Variants in P2RY12 observed in about 807,000 individuals in gnomAD.
P2RY12 encodes P2Y purinoceptor 12.
A neutral mutation model predicts 4.5 loss-of-function variants in P2RY12; 3 were observed. The observed-to-expected ratio is 0.67, with a 90% CI of 0.31 to 1.74. The LOEUF is 1.74. Among genes scored for constraint, P2RY12 ranks in the 40% most tolerant of loss-of-function variants. The pLI, the probability that P2RY12 is intolerant of heterozygous loss-of-function variation, is 0.09. For synonymous variants in P2RY12, 148 were observed against 154.1 expected (o/e 0.96, Z 0.29); for missense variants, 356 against 407.8 (o/e 0.87, Z 1.09).
At chr3:151,339,768 T>C (rs1751561773) in intron 2 of P2RY12, among the ~76,000 whole-genome samples, 1 of 137,160 alleles carries the variant, frequency 7.3e-6, no homozygotes, top group Admixed American at 7.8e-5. Context: ...ATATAGGTTA[T>C]TACCACAATA....
chr3:151,375,247 A>G (rs1756686056), intron 1 of P2RY12, among the ~76,000 whole-genome samples: 1 of 152,246 alleles, frequency 6.6e-6, no homozygotes, highest in Non-Finnish European at 1.5e-5. Flanking sequence ...AGGTAATTTT[A>G]GTGGGCAACC....
At chr3:151,363,465 CCT>C in intron 1 of P2RY12, among the ~76,000 whole-genome samples, 1 of 152,264 alleles carries the variant, frequency 6.6e-6, no homozygotes, top group South Asian at 2.1e-4. Context: ...ACACTGGTCA[CCT>C]CTACCACTGA....
intron 1 of P2RY12, chr3:151,377,139 C>T (rs187975116): frequency 6.2e-7 from 1 of 1,613,842 alleles, no homozygotes; most frequent in East Asian, 2.2e-5. Flanking sequence ...AGTGCTGATA[C>T]AAGTAGCACG....
Position 151,338,580 on chromosome 3 carries a change from G to T in P2RY12, c.266C>A (p.Thr89Lys). The T allele has an allele frequency of 6.2e-7, 1 of 1,614,030 alleles. No homozygotes were observed. Among genetic ancestry groups the T allele is most frequent in the Non-Finnish European group, 8.5e-7 (1 of 1,180,002 alleles). The change falls in exon 3 of 3, where the codon ACA becomes AAA. Residue 89 changes from threonine to lysine, a missense_variant. Thr to Lys is a moderately conservative substitution (Grantham distance 78, BLOSUM62 -1). Coordinates refer to ENST00000302632, the MANE Select transcript of P2RY12 (RefSeq NM_022788.5). ...FKILSDAKLG[T>K]GPLRTFVCQV... ...ACACACAAAAGTTCTCAGTGGTCCT[G>T]TTCCCAGTTTGGCATCACTAAGAAT...
At chr3:151,368,639 C>CATTTT in intron 1 of P2RY12, among the ~76,000 whole-genome samples, 1 of 54,842 alleles carries the variant, frequency 1.8e-5, no homozygotes, top group South Asian at 7.4e-4. Flanking sequence ...TATTTCATTT[C>CATTTT]ATTTCATTTC....
chr3:151,380,637 G>A (rs1214964283), intron 1 of P2RY12, among the ~76,000 whole-genome samples: 2 of 149,332 alleles, frequency 1.3e-5, no homozygotes, highest in Non-Finnish European at 3.0e-5. Context: ...GTTACAAAAT[G>A]TTTTGAGTAG....
chr3:151,356,630 T>TG, intron 1 of P2RY12, among the ~76,000 whole-genome samples: 1 of 152,192 alleles, frequency 6.6e-6, no homozygotes, highest in African/African-American at 2.4e-5. Flanking sequence ...TCTGTTTTTT[T>TG]TTGTTGTTGT....
chr3:151,355,243 G>C (rs368547003), intron 1 of P2RY12: 1 of 1,586,856 alleles, frequency 6.3e-7, no homozygotes, highest in Non-Finnish European at 8.6e-7. Context: ...ATCTCAGGTA[G>C]CTATTTAAAG....
At chr3:151,381,072 G>A (rs1006979760) in intron 1 of P2RY12, among the ~76,000 whole-genome samples, 1 of 152,208 alleles carries the variant, frequency 6.6e-6, no homozygotes, top group African/African-American at 2.4e-5. Flanking sequence ...TTGCATCTAT[G>A]TACTATAAGG....
At chr3:151,357,650 A>G (rs1352178325) in intron 1 of P2RY12, among the ~76,000 whole-genome samples, 8 of 152,130 alleles carry the variant, frequency 5.3e-5, no homozygotes, top group Non-Finnish European at 1.0e-4. Flanking sequence ...ATAGCACTCT[A>G]CGGTTAATGT....
rs142076984 is a variant in P2RY12, at chr3:151,369,775, T to C, written c.-180+14917A>G. On this transcript the variant is annotated intron_variant, in intron 1 of 2. Transcript: ENST00000302632. ...GGGAACTTACATGTAATATTTTTTA[T>C]GGTATTTTAGTTGCATAATGTCTCA... 2.7e-3 allele frequency among the ~76,000 whole-genome samples: 417 copies of C among 152,332 alleles called. 1 individual carries two copies. The highest frequency in any genetic ancestry group is 0.01 in the Middle Eastern group (3 of 294).
intron 2 of P2RY12, among the ~76,000 whole-genome samples, chr3:151,339,835 C>G (rs753220893): frequency 2.0e-4 from 31 of 152,040 alleles, no homozygotes; most frequent in Non-Finnish European, 4.0e-4. Flanking sequence ...GCATCTACAT[C>G]TTGGGAATTT....
At chr3:151,341,568 T>TC (rs1189117024) in intron 1 of P2RY12, among the ~76,000 whole-genome samples, 1 of 149,668 alleles carries the variant, frequency 6.7e-6, no homozygotes, top group Non-Finnish European at 1.5e-5. Context: ...TGCTTTAACT[T>TC]TTTTTTTTTA....
rs1752945637 is a variant in P2RY12 at position 151,349,336 on chromosome 3, C to T, written c.-179-8576G>A. Among the ~76,000 whole-genome samples the T allele has an allele frequency of 1.3e-5, 2 of 152,270 alleles. 1 individual carries two copies. Among genetic ancestry groups the T allele is most frequent in the South Asian group, 4.1e-4 (2 of 4,828 alleles). On this transcript the variant is annotated intron_variant, in intron 1 of 2. Transcript: ENST00000302632. ...GAAGGGAAGAGTGGTGATGTCAGAA[C>T]ATGTTTGCATTTTCAGCTGTTTGCC...
Position 151,338,400 on chromosome 3 carries a change from C to A in P2RY12, c.446G>T (p.Trp149Leu). The A allele has an allele frequency of 6.2e-7, 1 of 1,614,106 alleles. No homozygotes were observed. Among genetic ancestry groups the A allele is most frequent in the Non-Finnish European group, 8.5e-7 (1 of 1,180,008 alleles). The stretch of plus-strand genomic sequence containing the variant: ...CAAAGAGAGTAAGAACATGAATGCC[C>A]AGATGACAACAGAGAGAATCTTAGC... The part of the protein sequence containing the change: ...LGAKILSVVI[W>L]AFMFLLSLPN... The change falls in exon 3 of 3, where the codon TGG becomes TTG. Residue 149 changes from tryptophan to leucine, a missense_variant. Trp to Leu is a moderately conservative substitution (Grantham distance 61). Transcript: ENST00000302632.
chr3:151,356,728 G>A (rs1753970757), intron 1 of P2RY12, among the ~76,000 whole-genome samples: 1 of 152,066 alleles, frequency 6.6e-6, no homozygotes, highest in Non-Finnish European at 1.5e-5. Context: ...TTTAGGTTAA[G>A]AGCCAGAACA....
rs1266626573 is a variant in P2RY12, at chr3:151,360,395, T to C, written c.-179-19635A>G. On this transcript the variant is annotated intron_variant, in intron 1 of 2. Coordinates refer to ENST00000302632, the MANE Select transcript of P2RY12 (RefSeq NM_022788.5). The stretch of plus-strand genomic sequence containing the variant: ...CTTTTTCTTACCCAAGTGATACATA[T>C]TTTCATTCTAAAAGAGTCAAATGAT... 5.2e-6 allele frequency: 7 copies of C among 1,340,308 alleles called. No individual in the cohort carries two copies. In the East Asian group the frequency reaches 1.4e-4, roughly 27 times the overall value. 83.0% of individuals were successfully genotyped at this position (1,340,308 alleles called of 1,614,324 possible).
chr3:151,355,457 T>C (rs1248246066), intron 1 of P2RY12, among the ~76,000 whole-genome samples: 1 of 152,236 alleles, frequency 6.6e-6, no homozygotes, highest in Non-Finnish European at 1.5e-5. Context: ...CTTATGATAA[T>C]AATCGGTGAC....
intron 1 of P2RY12, chr3:151,356,152 C>A: frequency 2.8e-6 from 3 of 1,083,344 alleles, no homozygotes; most frequent in Non-Finnish European, 3.9e-6. Flanking sequence ...GTAATCCTGG[C>A]ACTTTGGGAG....
Sources: gnomAD v4.1 joint callset for allele counts (sites outside exome capture counted in the v4.1 genomes callset) on GRCh38, gnomAD v4.1.1 for gene constraint, MANE v1.5 for transcripts, NCBI Gene and HGNC (gene_info 2026-07-23, HGNC 2026-07-21) for gene names.